Variants in CATSPER3 observed in about 807,000 individuals in gnomAD.
CATSPER3 encodes cation channel sperm-associated protein 3.
In CATSPER3, 23 loss-of-function variants were observed where a neutral mutation model predicts 36.6. The ratio of observed to expected loss-of-function variants is 0.63; its 90% CI spans 0.45 to 0.89. The LOEUF (loss-of-function observed/expected upper bound fraction) is 0.89, where lower values mean the gene tolerates loss of function less well. CATSPER3 is among the 40% of genes least tolerant of loss of function. The probability of loss-of-function intolerance (pLI) is 0.00; values close to 1 mark genes in which losing one functional copy is unlikely to be tolerated. For synonymous variants in CATSPER3, 172 were observed against 184.1 expected (o/e 0.93, Z 0.53); for missense variants, 474 against 503.9 (o/e 0.94, Z 0.57).
At chr5:134,999,725 A>G (rs190062089) in intron 3 of CATSPER3, among the ~76,000 whole-genome samples, 333 of 152,294 alleles carry the variant, frequency 2.2e-3, no homozygotes, top group Non-Finnish European at 3.6e-3. Context: ...TTATTGGTGT[A>G]TAGGAATGCT....
chr5:135,007,805 C>CAT, intron 3 of CATSPER3, 152 bp from the exon 4 acceptor site: 1 of 47,930 alleles, frequency 2.1e-5, no homozygotes, highest in South Asian at 3.8e-4. Flanking sequence ...AACCAACCAA[C>CAT]CCACCCACCC....
At chr5:134,988,265 A>G (rs1018613200) in intron 2 of CATSPER3, among the ~76,000 whole-genome samples, 11 of 152,236 alleles carry the variant, frequency 7.2e-5, no homozygotes, top group South Asian at 2.1e-4. Context: ...CTTGATGTTG[A>G]TGGCTGCTAA....
chr5:135,000,586 C>T (rs1752008408), intron 3 of CATSPER3, among the ~76,000 whole-genome samples: 1 of 152,162 alleles, frequency 6.6e-6, no homozygotes, highest in South Asian at 2.1e-4. Context: ...TAATTACTGC[C>T]TCAATTTCAG....
At chr5:134,984,605 G>C (rs771584626) in intron 2 of CATSPER3, among the ~76,000 whole-genome samples, 7 of 152,132 alleles carry the variant, frequency 4.6e-5, no homozygotes, top group Non-Finnish European at 8.8e-5. Flanking sequence ...CCATTATTAA[G>C]AAGTCAAAAA....
chr5:134,978,581 C>G (rs2149546512), intron 2 of CATSPER3, among the ~76,000 whole-genome samples: 1 of 152,252 alleles, frequency 6.6e-6, no homozygotes, highest in East Asian at 1.9e-4. Flanking sequence ...TTCACCACTC[C>G]TATTTAACAT....
At chr5:135,002,038 A>G (rs1163634769) in intron 3 of CATSPER3, among the ~76,000 whole-genome samples, 3 of 152,142 alleles carry the variant, frequency 2.0e-5, no homozygotes, top group Non-Finnish European at 2.9e-5. Context: ...TCGTTAGTTG[A>G]TGCAGTTTCT....
At chr5:134,972,121 G>A (rs1353388472) in intron 2 of CATSPER3, among the ~76,000 whole-genome samples, 2 of 152,206 alleles carry the variant, frequency 1.3e-5, no homozygotes, top group Non-Finnish European at 2.9e-5. Context: ...TCCCGAATTT[G>A]AAAATCTGGA....
At chr5:134,993,430 C>T (rs1472757352) in intron 2 of CATSPER3, among the ~76,000 whole-genome samples, 1 of 152,112 alleles carries the variant, frequency 6.6e-6, no homozygotes, top group African/African-American at 2.4e-5. Flanking sequence ...CTGAATTGTA[C>T]ACCTTAAAAT....
chr5:135,005,845 T>G (rs548617416), intron 3 of CATSPER3, among the ~76,000 whole-genome samples: 1 of 152,286 alleles, frequency 6.6e-6, no homozygotes, highest in Admixed American at 6.5e-5. Context: ...CCTCCCTGCC[T>G]CCTCCTCCTG....
chr5:135,010,512 A>G lies in CATSPER3; in HGVS notation c.1076A>G (p.Gln359Arg). ...IDIYFSTLDY[Q>R]DTTVHKLQEL... Reference sequence around the variant, plus strand: ...ATCTACTTTTCCACTCTGGACTACCAGGACACAACTGTCCACAAGTCAGTT... The same window carrying G: ...ATCTACTTTTCCACTCTGGACTACCGGGACACAACTGTCCACAAGTCAGTT... Residue 359 changes from glutamine (Q) to arginine (R), a missense_variant, in exon 7 of 8, where the codon CAG becomes CGG. By Grantham distance (43) the Gln-to-Arg change is conservative. Transcript: ENST00000282611. 1 of 1,614,156 alleles carries G rather than the reference A, an allele frequency of 6.2e-7. No individual in the cohort carries two copies. The highest frequency in any genetic ancestry group is 8.5e-7 in the Non-Finnish European group (1 of 1,179,968).
rs1405576950 is a variant in CATSPER3 at position 134,970,192 on chromosome 5, CTCTG to C, written c.252+103_252+106del. ...TTTTTTTTTCCGAGACAGAATCTCA[CTCTG>C]TCAGGCTGGAGTGCAGTGGCGTGAT... On this transcript the variant is annotated intron_variant, in intron 2 of 7. Transcript: ENST00000282611. The C allele has an allele frequency of 1.6e-4, 185 of 1,179,694 alleles. 3 individuals carry two copies. The South Asian group carries it at 2.2e-3, about 14-fold the overall frequency. 73.1% of individuals were successfully genotyped at this position (1,179,694 alleles called of 1,614,324 possible).
chr5:135,004,555 G>C (rs1274302367), intron 3 of CATSPER3, among the ~76,000 whole-genome samples: 10 of 152,196 alleles, frequency 6.6e-5, no homozygotes, highest in Admixed American at 6.5e-4. Context: ...AGTGAGGGCG[G>C]GATCTGGCAG....
At chr5:135,006,020 GC>G (rs113257924) in intron 3 of CATSPER3, among the ~76,000 whole-genome samples, 8 of 152,026 alleles carry the variant, frequency 5.3e-5, no homozygotes, top group Admixed American at 6.5e-5. Context: ...ACAGGGAATT[GC>G]CCCCCCAAAA....
intron 2 of CATSPER3, among the ~76,000 whole-genome samples, chr5:134,981,770 A>C (rs1751755437): frequency 6.6e-6 from 1 of 152,216 alleles, no homozygotes; most frequent in Non-Finnish European, 1.5e-5. Context: ...TGACTTATAC[A>C]ATGAACAGAA....
At chr5:134,976,768 G>A (rs1255710060) in intron 2 of CATSPER3, among the ~76,000 whole-genome samples, 7 of 152,230 alleles carry the variant, frequency 4.6e-5, no homozygotes, top group Non-Finnish European at 1.0e-4. Context: ...CTGAAATCTA[G>A]GGGAAAGCTG....
At chr5:135,003,392 C>T (rs990100817) in intron 3 of CATSPER3, among the ~76,000 whole-genome samples, 1 of 152,200 alleles carries the variant, frequency 6.6e-6, no homozygotes, top group Non-Finnish European at 1.5e-5. Flanking sequence ...TTAGGCTACT[C>T]GGGGATCAGG....
At chr5:135,010,345 T>C (rs1269199731) in intron 6 of CATSPER3, 28 bp from the exon 7 acceptor site, 2 of 1,609,614 alleles carry the variant, frequency 1.2e-6, no homozygotes, top group African/African-American at 1.3e-5. Context: ...TCCTCATCAC[T>C]GCTCTCTCGT....
At chr5:135,006,694 C>T (rs963891193) in intron 3 of CATSPER3, among the ~76,000 whole-genome samples, 15 of 151,910 alleles carry the variant, frequency 9.9e-5, no homozygotes, top group Admixed American at 3.9e-4. Flanking sequence ...AAAAATTAGC[C>T]GGGCGCAGTG....
intron 2 of CATSPER3, among the ~76,000 whole-genome samples, chr5:134,994,039 T>G (rs1014763348): frequency 2.6e-5 from 4 of 152,114 alleles, no homozygotes; most frequent in Non-Finnish European, 2.9e-5. Flanking sequence ...GCAGGAGAGT[T>G]GCTTGAACCT....
Sources: gnomAD v4.1 joint callset for allele counts (sites outside exome capture counted in the v4.1 genomes callset) on GRCh38, gnomAD v4.1.1 for gene constraint, MANE v1.5 for transcripts, NCBI Gene and HGNC (gene_info 2026-07-23, HGNC 2026-07-21) for gene names.